Variants in SNX5 observed in about 807,000 individuals in gnomAD.
SNX5 encodes sorting nexin-5.
In SNX5, 31 loss-of-function variants were observed where a neutral mutation model predicts 53.9. That is an observed-to-expected ratio of 0.58 (90% CI 0.43 to 0.78). The LOEUF is 0.78. SNX5 is among the 30% of genes least tolerant of loss of function. SNX5 has a pLI of 0.00. For missense variants in SNX5, 471 were observed against 478.8 expected, an observed-to-expected ratio of 0.98 and a Z score of 0.15; for synonymous variants, 168 against 171.1, an observed-to-expected ratio of 0.98 and a Z score of 0.14.
intron 1 of SNX5, chr20:17,962,778 C>T (rs746090600): frequency 5.8e-6 from 3 of 519,244 alleles, no homozygotes; most frequent in South Asian, 2.8e-5. Flanking sequence ...CTGACACCAA[C>T]CATTCTTACC....
chr20:17,942,439 A>T, intron 12 of SNX5, 32 bp from the exon 13 acceptor site: 1 of 1,564,482 alleles, frequency 6.4e-7, no homozygotes, highest in Non-Finnish European at 8.8e-7. Flanking sequence ...CAGACCAGTG[A>T]ATTATTAAAA....
rs766842736 is a variant in SNX5 at position 17,947,503 on chromosome 20, G to A, written c.1061C>T (p.Ser354Phe). ...TGCTCAACCTTCTTTTGCAGATTCGGAAAGTTGTTCAAATTTCTGGCAGCA... is the reference window on the plus strand; with the variant it reads ...TGCTCAACCTTCTTTTGCAGATTCGAAAAGTTGTTCAAATTTCTGGCAGCA... ...QECCQKFEQL[S>F]ESAKEELINF... The change falls in exon 11 of 13, where the codon TCC (serine) becomes TTC (phenylalanine). Residue 354 changes from serine to phenylalanine, a missense_variant. Physicochemically the swap from Ser to Phe is radical, Grantham distance 155. Coordinates refer to ENST00000377759, the MANE Select transcript of SNX5 (RefSeq NM_014426.4). 6.2e-7 allele frequency: 1 copy of A among 1,613,196 alleles called. No homozygotes were observed. Among genetic ancestry groups the A allele is most frequent in the South Asian group, 1.1e-5 (1 of 90,884 alleles).
At chr20:17,966,089 C>A (rs927662801) in intron 1 of SNX5, among the ~76,000 whole-genome samples, 1 of 152,064 alleles carries the variant, frequency 6.6e-6, no homozygotes, top group Non-Finnish European at 1.5e-5. Flanking sequence ...ACCAAAGTCC[C>A]TGTAACCAAG....
intron 3 of SNX5, 67 bp from the exon 4 acceptor site, chr20:17,954,184 T>A: frequency 6.3e-7 from 1 of 1,594,128 alleles, no homozygotes; most frequent in East Asian, 2.3e-5. Context: ...TGGTGCCTCA[T>A]TCTACTCTTG....
At chr20:17,968,064 A>G in intron 1 of SNX5, 1 of 398,618 alleles carries the variant, frequency 2.5e-6, no homozygotes, top group Non-Finnish European at 4.4e-6. Flanking sequence ...AGCCGAGGAA[A>G]GTTTTAAAAA....
Position 17,968,682 on chromosome 20 carries a change from A to T in SNX5, c.-257T>A. ...CCGTCCATCTTGGAGCCGGGCAAAG[A>T]CGCCACGTGGGGCCTACCCTTGCTC... On this transcript the variant is annotated 5_prime_UTR_variant, in exon 1 of 13. Transcript: ENST00000377759. 1 of 571,706 alleles carries T rather than the reference A, an allele frequency of 1.7e-6. No individual in the cohort carries two copies. Among genetic ancestry groups the T allele is most frequent in the Non-Finnish European group, 3.2e-6 (1 of 313,606 alleles). The allele number at this position is 571,706 out of a possible 1,614,324, so 35.4% of individuals were successfully genotyped here.
chr20:17,950,325 A>G lies in SNX5; in HGVS notation c.681T>C (p.Cys227=). Residue 227 remains cysteine, a synonymous_variant, in exon 7 of 13, where the codon TGT becomes TGC. Coordinates refer to ENST00000377759, the MANE Select transcript of SNX5 (RefSeq NM_014426.4). ...ATCTGGTCATTTTGTCAGCTTTCAC[A>G]CAAGAATCTTTGATCCTATTGTAAT... ...INYYNRIKDS[C]VKADKMTRSH... 1 of 1,613,690 alleles carries G rather than the reference A, an allele frequency of 6.2e-7. No homozygotes were observed.
chr20:17,966,787 A>T lies in SNX5; in HGVS notation c.51+1588T>A, dbSNP rs8120041. ...GACTACCGAAATTGTATTATGGCAAAAAGTTGCCCAAGACTTAGTTTCCCA... is the reference window on the plus strand; with the variant it reads ...GACTACCGAAATTGTATTATGGCAATAAGTTGCCCAAGACTTAGTTTCCCA... On this transcript the variant is annotated intron_variant, in intron 1 of 12. Coordinates refer to ENST00000377759, the MANE Select transcript of SNX5 (RefSeq NM_014426.4). Among the ~76,000 whole-genome samples, 328 of 152,138 alleles carry T rather than the reference A, an allele frequency of 2.2e-3. 1 individual carries two copies. The highest frequency in any genetic ancestry group is 7.5e-3 in the African/African-American group (312 of 41,496).
chr20:17,952,172 G>A (rs757832233), intron 5 of SNX5, among the ~76,000 whole-genome samples: 15 of 152,268 alleles, frequency 9.9e-5, no homozygotes, highest in Middle Eastern at 3.4e-3. Context: ...GCAGTAAGCC[G>A]AGATCGCGCC....
chr20:17,950,105 G>C (rs368281766), intron 8 of SNX5, 27 bp downstream of exon 8: 1 of 1,601,780 alleles, frequency 6.2e-7, no homozygotes, highest in African/African-American at 1.3e-5. Context: ...ATTGGGTTAG[G>C]GGAAATGCTT....
Position 17,968,490 on chromosome 20 carries a change from C to T in SNX5, c.-65G>A. On this transcript the variant is annotated 5_prime_UTR_variant, in exon 1 of 13. Transcript: ENST00000377759. ...AGGAAAGAAGAAGCTGGGCCGCCGC[C>T]GCCGCCGCCTGGGCGCCTCTCGGGG... 7.8e-7 allele frequency: 1 copy of T among 1,278,676 alleles called. No homozygotes were observed. Among genetic ancestry groups the T allele is most frequent in the Non-Finnish European group, 9.9e-7 (1 of 1,008,316 alleles). 79.2% of individuals were successfully genotyped at this position (1,278,676 alleles called of 1,614,324 possible).
At position 17,943,503 on chromosome 20, in the gene SNX5, G is replaced by A. The variant is rs73599780; in HGVS notation, c.1079-308C>T. Reference sequence around the variant, plus strand: ...TCACTCTCACCCTCTAGGTACCAGTGACTGGGAACAGGGCTGGAGTATGGG... The same window carrying A: ...TCACTCTCACCCTCTAGGTACCAGTAACTGGGAACAGGGCTGGAGTATGGG... On this transcript the variant is annotated intron_variant, in intron 11 of 12. Coordinates refer to ENST00000377759, the MANE Select transcript of SNX5 (RefSeq NM_014426.4). 1.4e-4 allele frequency: 44 copies of A among 307,088 alleles called. 1 individual carries two copies. The East Asian group carries it at 3.4e-3, about 24-fold the overall frequency. 19.0% of individuals were successfully genotyped at this position (307,088 alleles called of 1,614,324 possible).
chr20:17,943,061 T>G, intron 12 of SNX5, 49 bp downstream of exon 12: 1 of 1,335,976 alleles, frequency 7.5e-7, no homozygotes, highest in Admixed American at 1.7e-5. Flanking sequence ...GGGAAATAAC[T>G]TGGAAAAAAC....
At chr20:17,967,807 C>G (rs183249556) in intron 1 of SNX5, 146 of 359,392 alleles carry the variant, frequency 4.1e-4, no homozygotes, top group African/African-American at 2.8e-3. Flanking sequence ...AAATAGACAC[C>G]AAGTTCAGCA....
intron 11 of SNX5, chr20:17,943,433 G>T: frequency 2.1e-6 from 1 of 470,826 alleles, no homozygotes; most frequent in Non-Finnish European, 3.8e-6. Flanking sequence ...ATCGTGAGTG[G>T]GAGAGCAGCA....
At chr20:17,943,030 A>T in intron 12 of SNX5, 80 bp downstream of exon 12, 3 of 973,862 alleles carry the variant, frequency 3.1e-6, no homozygotes, top group South Asian at 2.7e-5. Context: ...CAACTGCCTG[A>T]TGACAATGGG....
intron 1 of SNX5, among the ~76,000 whole-genome samples, chr20:17,967,352 A>AAAG (rs1471339223): frequency 6.6e-6 from 1 of 151,058 alleles, no homozygotes. Context: ...TCAAAAAAAA[A>AAAG]ACCACTCTAA....
chr20:17,946,359 A>G (rs11696758), intron 11 of SNX5, among the ~76,000 whole-genome samples: 87,529 of 152,058 alleles, frequency 0.58, 25,605 homozygotes, highest in African/African-American at 0.67. Context: ...GCTCCTTGAA[A>G]AAATGGCCAG....
rs940615713 is a variant in SNX5, at chr20:17,968,427, G to A, written c.-2C>T. ...CAGCAACTCGGGAACCGCGGCCATGGCGACGCGGGACTCGAGCAGGGGCCG... is the reference window on the plus strand; with the variant it reads ...CAGCAACTCGGGAACCGCGGCCATGACGACGCGGGACTCGAGCAGGGGCCG... On this transcript the variant is annotated 5_prime_UTR_variant, in exon 1 of 13. Coordinates refer to ENST00000377759, the MANE Select transcript of SNX5 (RefSeq NM_014426.4). The A allele has an allele frequency of 7.8e-7, 1 of 1,288,782 alleles. No individual in the cohort carries two copies. Among genetic ancestry groups the A allele is most frequent in the Non-Finnish European group, 9.9e-7 (1 of 1,015,068 alleles). 79.8% of individuals were successfully genotyped at this position (1,288,782 alleles called of 1,614,324 possible).
Sources: allele counts gnomAD v4.1 joint callset (sites outside exome capture counted in the v4.1 genomes callset), GRCh38; gene constraint gnomAD v4.1.1; transcripts MANE v1.5; gene names NCBI Gene and HGNC (gene_info 2026-07-23, HGNC 2026-07-21).